NBAS: variants seen among roughly 807,000 people sequenced by gnomAD.
NBAS encodes the protein NAG/BC035112 fusion.
A neutral mutation model predicts 302.5 loss-of-function variants in NBAS; 219 were observed. The observed-to-expected ratio is 0.72, with a 90% CI of 0.65 to 0.81. The LOEUF (loss-of-function observed/expected upper bound fraction) is 0.81, where lower values mean the gene tolerates loss of function less well. Among genes scored for constraint, NBAS ranks in the 30% least tolerant of loss-of-function variants. The pLI is 0.00. For synonymous variants in NBAS, 1,118 were observed against 1,021.6 expected (o/e 1.09, Z -1.80); for missense variants, 2,932 against 2,841.6 (o/e 1.03, Z -0.72).
At chr2:14,846,518 C>CA in the NBAS span, among the ~76,000 whole-genome samples, 31,836 of 149,086 alleles carry the variant, frequency 0.21, 5,473 homozygotes, top group African/African-American at 0.48. Context: ...AGTAAGTACA[C>CA]AAAAAACTAT....
chr2:15,411,119 T>G (rs530205284), intron 25 of NBAS, among the ~76,000 whole-genome samples: 1 of 152,314 alleles, frequency 6.6e-6, no homozygotes, highest in South Asian at 2.1e-4. Flanking sequence ...GCCAACCGAC[T>G]GGCCATGGCT....
At chr2:14,949,997 T>G in the NBAS span, among the ~76,000 whole-genome samples, 1 of 152,194 alleles carries the variant, frequency 6.6e-6, no homozygotes, top group Non-Finnish European at 1.5e-5. Flanking sequence ...GGAGTAACTA[T>G]AGTCTACAGT....
At chr2:15,040,393 T>C in the NBAS span, among the ~76,000 whole-genome samples, 1 of 152,214 alleles carries the variant, frequency 6.6e-6, no homozygotes, top group Non-Finnish European at 1.5e-5. Flanking sequence ...GGTTTATTTG[T>C]TCTGATCAAA....
intron 38 of NBAS, among the ~76,000 whole-genome samples, chr2:15,318,485 C>T (rs1199527624): frequency 6.6e-6 from 1 of 152,116 alleles, no homozygotes; most frequent in East Asian, 1.9e-4. Context: ...CATTACTGTG[C>T]TTTATTCAGG....
At chr2:15,285,796 C>T (rs1399172146) in intron 42 of NBAS, among the ~76,000 whole-genome samples, 5 of 152,030 alleles carry the variant, frequency 3.3e-5, no homozygotes, top group East Asian at 1.9e-4. Flanking sequence ...GGGATTACAG[C>T]GGTGCCTGCC....
At chr2:15,017,033 T>G in the NBAS span, among the ~76,000 whole-genome samples, 1 of 152,120 alleles carries the variant, frequency 6.6e-6, no homozygotes, top group Non-Finnish European at 1.5e-5. Context: ...ACTGATTTTT[T>G]GACAAAGGAA....
At chr2:15,382,418 TAAAC>T (rs1675083517) in intron 29 of NBAS, among the ~76,000 whole-genome samples, 2 of 152,032 alleles carry the variant, frequency 1.3e-5, no homozygotes, top group East Asian at 1.9e-4. Flanking sequence ...AATGCACAAA[TAAAC>T]AAATAACTAC....
At chr2:15,544,153 T>C (rs563292879) in intron 6 of NBAS, among the ~76,000 whole-genome samples, 183 of 152,284 alleles carry the variant, frequency 1.2e-3, no homozygotes, top group Non-Finnish European at 1.8e-3. Context: ...CTCTCATATA[T>C]ATACATTCTT....
chr2:14,912,772 A>G, the NBAS span, among the ~76,000 whole-genome samples: 1 of 150,842 alleles, frequency 6.6e-6, no homozygotes, highest in Admixed American at 6.7e-5. Context: ...TACAGTTTTC[A>G]TCTGTTACAA....
At chr2:15,558,180 C>T (rs1434465098) in intron 2 of NBAS, among the ~76,000 whole-genome samples, 1 of 152,166 alleles carries the variant, frequency 6.6e-6, no homozygotes, top group African/African-American at 2.4e-5. Flanking sequence ...TTGCACTTCC[C>T]TGATAATCTA....
chr2:15,148,135 G>A, the NBAS span, among the ~76,000 whole-genome samples: 3 of 152,280 alleles, frequency 2.0e-5, no homozygotes, highest in Middle Eastern at 3.4e-3. Context: ...ATTAACATAC[G>A]AGACAGTCAG....
the NBAS span, among the ~76,000 whole-genome samples, chr2:14,984,108 T>C: frequency 6.6e-6 from 1 of 152,206 alleles, no homozygotes; most frequent in Non-Finnish European, 1.5e-5. Context: ...ATTAGGATTA[T>C]TTGACAAGGG....
the NBAS span, among the ~76,000 whole-genome samples, chr2:14,845,010 C>A: frequency 1.4e-4 from 21 of 152,346 alleles, no homozygotes; most frequent in Middle Eastern, 3.4e-3. Flanking sequence ...ACAAGCCTTG[C>A]TGGCTTTGCT....
rs1354635732 is a variant in NBAS at position 15,402,189 on chromosome 2, C to G, written c.3050G>C (p.Cys1017Ser). The G allele has an allele frequency of 1.2e-6, 2 of 1,613,576 alleles. No homozygotes were observed. The highest frequency in any genetic ancestry group is 3.3e-5 in the Admixed American group (2 of 60,010). ...QLCLCYDLLE[C>S]LPERGYGDKT... ...TTACCCATATCCTCTTTCTGGCAGA[C>G]ATTCTAGTAGGTCATAGCAAAGACA... Residue 1017 changes from cysteine to serine, a missense_variant, in exon 26 of 52, where the codon TGT becomes TCT. Transcript: ENST00000281513.
At chr2:15,021,698 T>C in the NBAS span, among the ~76,000 whole-genome samples, 2 of 152,148 alleles carry the variant, frequency 1.3e-5, no homozygotes, top group South Asian at 4.1e-4. Flanking sequence ...GAGAGCCACA[T>C]AGTGGCTCAG....
chr2:14,996,710 T>C, the NBAS span, among the ~76,000 whole-genome samples: 3 of 150,590 alleles, frequency 2.0e-5, no homozygotes, highest in African/African-American at 7.5e-5. Context: ...CCCAGAGCTC[T>C]TTCTGCCTTC....
chr2:15,113,312 T>C, the NBAS span, among the ~76,000 whole-genome samples: 2 of 135,260 alleles, frequency 1.5e-5, no homozygotes, highest in African/African-American at 5.7e-5. Context: ...GAGGTATTGG[T>C]ATGAACTCGT....
At chr2:15,249,749 C>CAAGG (rs1345789971) in intron 44 of NBAS, among the ~76,000 whole-genome samples, 2 of 152,224 alleles carry the variant, frequency 1.3e-5, no homozygotes, top group East Asian at 3.9e-4. Context: ...ATACAACTTA[C>CAAGG]AAGGGATGTG....
At chr2:14,923,047 G>C in the NBAS span, among the ~76,000 whole-genome samples, 2 of 152,162 alleles carry the variant, frequency 1.3e-5, no homozygotes, top group Non-Finnish European at 2.9e-5. Flanking sequence ...AGCTACTCTG[G>C]AGGCTGAGGC....
Sources: gnomAD v4.1 joint callset for allele counts (sites outside exome capture counted in the v4.1 genomes callset) on GRCh38, gnomAD v4.1.1 for gene constraint, MANE v1.5 for transcripts, NCBI Gene and HGNC (gene_info 2026-07-23, HGNC 2026-07-21) for gene names.